The following FGF13 variants were observed in gnomAD, a reference collection of about 807,000 sequenced individuals.
FGF13 encodes the protein fibroblast growth factor 13, also known as fibroblast growth factor homologous factor 2.
In FGF13, 2 loss-of-function variants were observed where a neutral mutation model predicts 19.5. That is an observed-to-expected ratio of 0.10 (90% confidence interval 0.04 to 0.32). FGF13 has a LOEUF of 0.32. Among genes scored for constraint, FGF13 ranks in the 10% least tolerant of loss-of-function variants. The pLI, the probability that FGF13 is intolerant of heterozygous loss-of-function variation, is 1.00. For missense variants in FGF13, 113 were observed against 192.7 expected (o/e 0.59, Z 2.45); for synonymous variants, 72 against 76.9 (o/e 0.94, Z 0.33).
chrX:139,025,895 T>G (rs1278675827), intron 1 of FGF13, among the ~76,000 whole-genome samples: 1 of 110,917 alleles, frequency 9.0e-6, no homozygotes, highest in Non-Finnish European at 1.9e-5. Context: ...ATTTTCAGTC[T>G]TTATCATTCT....
intron 2 of FGF13, among the ~76,000 whole-genome samples, chrX:138,704,812 A>G (rs2124239676): frequency 8.9e-6 from 1 of 112,308 alleles, no homozygotes; most frequent in South Asian, 3.7e-4. Context: ...AAGGAATGTA[A>G]TTGCACAGAT....
At chrX:139,074,680 C>T (rs183173533) in intron 1 of FGF13, among the ~76,000 whole-genome samples, 1 of 112,047 alleles carries the variant, frequency 8.9e-6, no homozygotes, top group East Asian at 2.8e-4. Flanking sequence ...TCCCATTGTC[C>T]TTACACTAAT....
At chrX:138,641,739 A>T (rs2089253476) in intron 3 of FGF13, among the ~76,000 whole-genome samples, 1 of 111,503 alleles carries the variant, frequency 9.0e-6, no homozygotes, top group Admixed American at 9.6e-5. Context: ...AATGAATTTC[A>T]TTATTACTGA....
intron 4 of FGF13, among the ~76,000 whole-genome samples, chrX:138,633,707 T>C (rs1302783867): frequency 9.0e-6 from 1 of 111,551 alleles, no homozygotes; most frequent in Non-Finnish European, 1.9e-5. Context: ...CTAAGTTCTT[T>C]GCATGCATTA....
chrX:138,795,209 C>A (rs991965659), intron 3 of FGF13, among the ~76,000 whole-genome samples: 2 of 111,936 alleles, frequency 1.8e-5, no homozygotes, highest in Non-Finnish European at 3.8e-5. Context: ...TCTTTATTGA[C>A]CAGCTAAAAA....
At chrX:138,938,063 A>G (rs1268915347) in intron 1 of FGF13, among the ~76,000 whole-genome samples, 1 of 111,365 alleles carries the variant, frequency 9.0e-6, no homozygotes, top group African/African-American at 3.3e-5. Flanking sequence ...GAACAAGGAG[A>G]ACATAAATGA....
chrX:138,790,677 A>G (rs1212705194), intron 3 of FGF13, among the ~76,000 whole-genome samples: 2 of 111,528 alleles, frequency 1.8e-5, no homozygotes, highest in African/African-American at 3.3e-5. Context: ...CTCTAATCCT[A>G]TGTTTGCTTC....
intron 3 of FGF13, among the ~76,000 whole-genome samples, chrX:138,832,775 T>C (rs2091083430): frequency 8.9e-6 from 1 of 112,478 alleles, no homozygotes; most frequent in Non-Finnish European, 1.9e-5. Flanking sequence ...GGTTTTCTTC[T>C]AGGGTTTTTA....
chrX:138,748,276 C>G (rs2090371015), intron 3 of FGF13, among the ~76,000 whole-genome samples: 1 of 111,686 alleles, frequency 9.0e-6, no homozygotes, highest in Non-Finnish European at 1.9e-5. Context: ...GCTCTAACCC[C>G]CAATGTGACT....
intron 3 of FGF13, among the ~76,000 whole-genome samples, chrX:138,841,351 T>C (rs1368311052): frequency 5.4e-5 from 6 of 110,979 alleles, no homozygotes; most frequent in Non-Finnish European, 1.1e-4. Context: ...CAGCAAAAAC[T>C]TGAAACAATT....
chrX:139,140,767 C>T (rs2083837082), intron 1 of FGF13, among the ~76,000 whole-genome samples: 1 of 110,816 alleles, frequency 9.0e-6, no homozygotes, highest in Admixed American at 9.7e-5. Context: ...AACATGAAAA[C>T]TAAAATCCTT....
chrX:139,004,212 G>A (rs1045325539), intron 1 of FGF13, among the ~76,000 whole-genome samples: 3 of 112,820 alleles, frequency 2.7e-5, no homozygotes, highest in East Asian at 2.8e-4. Flanking sequence ...CGAGCGCAGC[G>A]CCGGTGGGCT....
rs182732463 is a variant in FGF13 at position 138,878,095 on chromosome X, T to C, written c.-112-13445A>G. 4.5e-5 allele frequency among the ~76,000 whole-genome samples: 5 copies of C among 111,636 alleles called. No homozygotes were observed. In the Admixed American group the frequency reaches 4.7e-4, roughly 11 times the overall value. ...CTCCACATCCTCATCTTCACTTATT[T>C]TCCTTTAAAAAAGTATACACCCTAA... On this transcript the variant is annotated intron_variant, in intron 1 of 2. Transcript: ENST00000421460.
intron 3 of FGF13, among the ~76,000 whole-genome samples, chrX:138,695,196 T>C (rs1288263205): frequency 8.9e-6 from 1 of 111,755 alleles, no homozygotes; most frequent in Non-Finnish European, 1.9e-5. Flanking sequence ...CTAAAATGCT[T>C]AATCTCAATT....
At chrX:138,795,904 G>T (rs1205185990) in intron 3 of FGF13, among the ~76,000 whole-genome samples, 1 of 111,571 alleles carries the variant, frequency 9.0e-6, no homozygotes, top group Non-Finnish European at 1.9e-5. Context: ...GATCACTGAG[G>T]TTGGTGAAGT....
chrX:138,850,137 C>T (rs1025881239), intron 3 of FGF13, among the ~76,000 whole-genome samples: 5 of 111,296 alleles, frequency 4.5e-5, no homozygotes, highest in Admixed American at 9.6e-5. Flanking sequence ...TTTTAAAGAA[C>T]GAACGGTTAT....
intron 3 of FGF13, among the ~76,000 whole-genome samples, chrX:138,811,579 G>T (rs1472100296): frequency 9.1e-6 from 1 of 110,455 alleles, no homozygotes; most frequent in Non-Finnish European, 1.9e-5. Flanking sequence ...ATGTACCCTA[G>T]AATTTAAAGT....
chrX:139,162,780 CAT>C (rs1411886223), intron 1 of FGF13, among the ~76,000 whole-genome samples: 1 of 112,250 alleles, frequency 8.9e-6, no homozygotes, highest in Non-Finnish European at 1.9e-5. Context: ...GACCAACAAA[CAT>C]ATGAAAAAAA....
rs766044837 is a variant in FGF13, at chrX:138,816,033, A to G, written c.217+41479T>C. On this transcript the variant is annotated intron_variant, in intron 3 of 6. Coordinates refer to the FGF13 transcript ENST00000436198. ...ATAAAGAAATCAAAAGATACCATAA[A>G]GAAACCATAAAGAAATCAAAAGATA... Among the ~76,000 whole-genome samples the G allele has an allele frequency of 6.3e-5, 7 of 111,508 alleles. No homozygotes were observed. The South Asian group carries it at 1.5e-3, about 24-fold the overall frequency.
Sources: gnomAD v4.1 joint callset for allele counts (sites outside exome capture counted in the v4.1 genomes callset) on GRCh38, gnomAD v4.1.1 for gene constraint, MANE v1.5 for transcripts, NCBI Gene and HGNC (gene_info 2026-07-23, HGNC 2026-07-21) for gene names.